The following KIF7 variants were observed in gnomAD, a reference collection of about 807,000 sequenced individuals.
KIF7 encodes the protein kinesin family member 7.
A neutral mutation model predicts 135.7 loss-of-function variants in KIF7; 104 were observed. The observed-to-expected ratio is 0.77, with a 90% CI of 0.65 to 0.90. KIF7 has a LOEUF of 0.90. KIF7 is among the 40% of genes least tolerant of loss of function. The pLI is 0.00. For synonymous variants in KIF7, 883 were observed against 809.4 expected (o/e 1.09, Z -1.54); for missense variants, 2,005 against 1,839.1 (o/e 1.09, Z -1.65).
In KIF7 at chr15:89,628,528, G is replaced by A. The variant is rs1199407709; in HGVS notation, c.3923C>T (p.Pro1308Leu). Residue 1308 changes from proline (P) to leucine (L), a missense_variant, in exon 19 of 19, where the codon CCT becomes CTT. Coordinates refer to ENST00000394412, the MANE Select transcript of KIF7 (RefSeq NM_198525.3). Reference sequence around the variant, plus strand: ...CCAGGGCAGGCCTGCCTCACCCACAGGAAGCACCCGCCCCACCAGGGGCTC... The same window carrying A: ...CCAGGGCAGGCCTGCCTCACCCACAAGAAGCACCCGCCCCACCAGGGGCTC... ...AAEPLVGRVLPVGEAGLPWNF... is the reference protein window; with the variant it reads ...AAEPLVGRVLLVGEAGLPWNF... 1 of 1,613,146 alleles carries A rather than the reference G, an allele frequency of 6.2e-7. No homozygotes were observed. The highest frequency in any genetic ancestry group is 1.7e-5 in the Admixed American group (1 of 60,016).
chr15:89,622,282 G>A (rs1023218439), intron 1 of KIF7, among the ~76,000 whole-genome samples: 13 of 151,910 alleles, frequency 8.6e-5, no homozygotes, highest in African/African-American at 1.2e-4. Flanking sequence ...CACTGCGCCC[G>A]GCCTACAAAC....
intron 8 of KIF7, 22 bp from the exon 9 acceptor site, chr15:89,645,473 C>A: frequency 6.4e-7 from 1 of 1,569,094 alleles, no homozygotes; most frequent in African/African-American, 1.4e-5. Flanking sequence ...AAGCAGGAGG[C>A]CATGCTCCTC....
At chr15:89,661,847 G>C in the KIF7 span, among the ~76,000 whole-genome samples, 1 of 151,662 alleles carries the variant, frequency 6.6e-6, no homozygotes, top group Non-Finnish European at 1.5e-5. Context: ...TCAGCCTCCT[G>C]AGTAGCTGGC....
chr15:89,629,290 G>A, intron 17 of KIF7, 85 bp downstream of exon 17: 1 of 1,202,398 alleles, frequency 8.3e-7, no homozygotes. Context: ...GCGGTGGGGG[G>A]AGGGAGGGGG....
chr15:89,649,861 G>A lies in KIF7; in HGVS notation c.409C>T (p.Leu137Phe), dbSNP rs1360574783. The A allele has an allele frequency of 6.4e-7, 1 of 1,551,696 alleles. No homozygotes were observed. Among genetic ancestry groups the A allele is most frequent in the African/African-American group, 1.4e-5 (1 of 73,068 alleles). ...AFKLIDENDL[L>F]DCLVHVSYLE... ...TAGGACACATGTACCAGACAGTCAA[G>A]CAGGTCGTTCTCATCGATGAGCTTG... The change falls in exon 3 of 19, where the codon CTT becomes TTT. Residue 137 changes from leucine (L) to phenylalanine (F), a missense_variant. Coordinates refer to ENST00000394412, the MANE Select transcript of KIF7 (RefSeq NM_198525.3).
downstream of KIF7, chr15:89,624,682 A>T: frequency 6.2e-7 from 1 of 1,614,130 alleles, no homozygotes; most frequent in South Asian, 1.1e-5. Flanking sequence ...TCTGCTCATT[A>T]CAAGTGACAC....
At chr15:89,626,380 T>C (rs995408170), downstream of KIF7, among the ~76,000 whole-genome samples, 2 of 152,120 alleles carry the variant, frequency 1.3e-5, no homozygotes, top group Admixed American at 6.5e-5. Context: ...GCAGCACGAG[T>C]GATAGGCCTG....
At chr15:89,617,835 G>A (rs1261492701) in intron 2 of KIF7, among the ~76,000 whole-genome samples, 1 of 152,094 alleles carries the variant, frequency 6.6e-6, no homozygotes, top group African/African-American at 2.4e-5. Context: ...GGGACTACAG[G>A]CGCATGCCAC....
At chr15:89,640,818 T>G (rs556104976) in intron 11 of KIF7, among the ~76,000 whole-genome samples, 12 of 122,946 alleles carry the variant, frequency 9.8e-5, no homozygotes, top group African/African-American at 3.2e-4. Context: ...AAACACTGTC[T>G]CTACTTAAAA....
chr15:89,626,021 C>T (rs780040326), downstream of KIF7: 2 of 1,613,664 alleles, frequency 1.2e-6, no homozygotes, highest in Admixed American at 1.7e-5. Context: ...CGCTGCTGTT[C>T]CAGGGGAAAA....
intron 1 of KIF7, among the ~76,000 whole-genome samples, chr15:89,654,700 C>T (rs1419484737): frequency 6.6e-6 from 1 of 152,230 alleles, no homozygotes; most frequent in Non-Finnish European, 1.5e-5. Flanking sequence ...CCACGCTGCC[C>T]AACAGATAGT....
At chr15:89,629,654 G>A (rs1369761091) in intron 16 of KIF7, 81 bp from the exon 17 acceptor site, 18 of 1,572,178 alleles carry the variant, frequency 1.1e-5, no homozygotes, top group African/African-American at 2.7e-5. Context: ...ACACAGTATT[G>A]GCACACTTGC....
chr15:89,625,600 T>C, downstream of KIF7: 1 of 1,613,146 alleles, frequency 6.2e-7, no homozygotes, highest in Non-Finnish European at 8.5e-7. Context: ...GGAAGCCTCT[T>C]CCTGGGGACA....
In KIF7 at chr15:89,644,952, G is replaced by A. The variant is rs1963984216; in HGVS notation, c.2191+61C>T. ...ATTGTTGAAATCCCTCTAGAACAGTGCAGAAGTAACGATGAGAAGTCCCCC... is the reference window on the plus strand; with the variant it reads ...ATTGTTGAAATCCCTCTAGAACAGTACAGAAGTAACGATGAGAAGTCCCCC... On this transcript the variant is annotated intron_variant, in intron 10 of 18. Transcript: ENST00000394412. 14 of 1,594,258 alleles carry A rather than the reference G, an allele frequency of 8.8e-6. No individual in the cohort carries two copies. In the South Asian group the frequency reaches 8.8e-5, roughly 10 times the overall value.
chr15:89,632,590 C>G (rs368061215), intron 14 of KIF7, among the ~76,000 whole-genome samples: 5 of 152,160 alleles, frequency 3.3e-5, no homozygotes, highest in Admixed American at 6.5e-5. Flanking sequence ...ACAGAGCTTC[C>G]TCTGTCTGGA....
At chr15:89,627,179 C>G, downstream of KIF7, 3 of 1,507,322 alleles carry the variant, frequency 2.0e-6, no homozygotes, top group South Asian at 3.5e-5. Flanking sequence ...CCTCTTTTGC[C>G]ATGGTCAGTG....
Position 89,628,226 on chromosome 15 carries a change from G to T in KIF7, c.*193C>A. ...TCATGGAAGTAAGTGGTGGGAATTT[G>T]CATATTATTTTGTTAAATGAGGGTC... On this transcript the variant is annotated 3_prime_UTR_variant, in exon 19 of 19. Coordinates refer to ENST00000394412, the MANE Select transcript of KIF7 (RefSeq NM_198525.3). 1.7e-6 allele frequency: 1 copy of T among 605,362 alleles called. No homozygotes were observed. Among genetic ancestry groups the T allele is most frequent in the Non-Finnish European group, 2.8e-6 (1 of 355,954 alleles). 37.5% of individuals were successfully genotyped at this position (605,362 alleles called of 1,614,324 possible).
chr15:89,648,629 A>C lies in KIF7; in HGVS notation c.1069T>G (p.Trp357Gly), dbSNP rs1449579286. ...GGTGGCCGCTCGGCCTCGGGCCGCC[A>C]GTTGACCGTGGCGCGGTTGCGGATG... ...QNIRNRATVN[W>G]RPEAERPPEE... The change falls in exon 5 of 19, where the codon TGG becomes GGG. Residue 357 changes from tryptophan to glycine, a missense_variant. Physicochemically the swap from Trp to Gly is radical, Grantham distance 184. Transcript: ENST00000394412. 10 of 1,534,972 alleles carry C rather than the reference A, an allele frequency of 6.5e-6. No individual in the cohort carries two copies. The Admixed American group carries it at 1.8e-4, about 27-fold the overall frequency.
At chr15:89,633,342 C>G (rs747316826) in intron 12 of KIF7, 76 bp from the exon 13 acceptor site, 18 of 1,528,246 alleles carry the variant, frequency 1.2e-5, no homozygotes, top group Non-Finnish European at 1.6e-5. Context: ...ATCCCAAAGC[C>G]CCCAGGAGTG....
Sources: gnomAD v4.1 joint callset for allele counts (sites outside exome capture counted in the v4.1 genomes callset) on GRCh38, gnomAD v4.1.1 for gene constraint, MANE v1.5 for transcripts, NCBI Gene and HGNC (gene_info 2026-07-23, HGNC 2026-07-21) for gene names.